Variants in PCDH7 observed in about 807,000 individuals in gnomAD.
PCDH7 encodes protocadherin-7.
A neutral mutation model predicts 58.9 loss-of-function variants in PCDH7; 17 were observed. The ratio of observed to expected loss-of-function variants is 0.29; its 90% CI spans 0.20 to 0.43. The LOEUF is 0.43. PCDH7 is among the 20% of genes least tolerant of loss of function. The pLI is 1.00. For missense variants in PCDH7, 1,274 were observed against 1,441.0 expected (o/e 0.88, Z 1.88); for synonymous variants, 664 against 616.4 (o/e 1.08, Z -1.14).
chr4:31,032,605 CAA>C (rs528974781), intron 3 of PCDH7, among the ~76,000 whole-genome samples: 4 of 86,872 alleles, frequency 4.6e-5, no homozygotes, highest in Non-Finnish European at 6.8e-5. Context: ...CAGATTCTGT[CAA>C]AAAAAAAAAA....
chr4:30,763,744 A>G (rs2109271191), intron 1 of PCDH7, among the ~76,000 whole-genome samples: 1 of 152,338 alleles, frequency 6.6e-6, no homozygotes, highest in Non-Finnish European at 1.5e-5. Context: ...AAAGAGAAAA[A>G]GGAAGATTAC....
At chr4:31,060,131 A>G (rs781296547) in intron 3 of PCDH7, among the ~76,000 whole-genome samples, 1 of 151,778 alleles carries the variant, frequency 6.6e-6, no homozygotes, top group Non-Finnish European at 1.5e-5. Context: ...CATAAAGTAT[A>G]AATCAGTGGC....
intron 2 of PCDH7, among the ~76,000 whole-genome samples, chr4:30,932,092 G>A (rs1744675614): frequency 6.6e-6 from 1 of 152,042 alleles, no homozygotes; most frequent in Non-Finnish European, 1.5e-5. Context: ...AAATTATTTT[G>A]TGATTTTAAG....
At chr4:31,091,134 A>T (rs1713196028) in intron 3 of PCDH7, among the ~76,000 whole-genome samples, 1 of 151,960 alleles carries the variant, frequency 6.6e-6, no homozygotes, top group Admixed American at 6.6e-5. Flanking sequence ...TGTCACCAAA[A>T]CCTAAAGGTA....
chr4:30,973,853 G>GA (rs946770213), intron 3 of PCDH7, among the ~76,000 whole-genome samples: 49 of 146,324 alleles, frequency 3.3e-4, no homozygotes, highest in South Asian at 2.4e-3. Flanking sequence ...TTTCAAAAAA[G>GA]AAAAAAAAAA....
intron 3 of PCDH7, among the ~76,000 whole-genome samples, chr4:31,067,668 G>A (rs1337324076): frequency 6.6e-6 from 1 of 151,928 alleles, no homozygotes; most frequent in Non-Finnish European, 1.5e-5. Context: ...GTAAAATAGT[G>A]TTTGCTAGGC....
At chr4:30,811,313 T>C (rs1213505870) in intron 1 of PCDH7, among the ~76,000 whole-genome samples, 1 of 152,186 alleles carries the variant, frequency 6.6e-6, no homozygotes, top group Non-Finnish European at 1.5e-5. Flanking sequence ...ATTCTCTAGA[T>C]ATATAAAAGT....
At chr4:31,110,002 A>T (rs1418767775) in intron 3 of PCDH7, among the ~76,000 whole-genome samples, 1 of 152,222 alleles carries the variant, frequency 6.6e-6, no homozygotes, top group Non-Finnish European at 1.5e-5. Flanking sequence ...TATTAATCAG[A>T]AATGGAAAGT....
intron 3 of PCDH7, among the ~76,000 whole-genome samples, chr4:31,072,050 T>C (rs1758587569): frequency 6.6e-6 from 1 of 152,040 alleles, no homozygotes; most frequent in Admixed American, 6.6e-5. Flanking sequence ...TGGAAGACAG[T>C]GTTGGAGTGA....
chr4:30,853,282 CT>C (rs1343149324), intron 1 of PCDH7, among the ~76,000 whole-genome samples: 4 of 152,136 alleles, frequency 2.6e-5, no homozygotes, highest in Admixed American at 2.0e-4. Context: ...TGCTACCAAT[CT>C]CCCAGTCTAT....
Position 30,723,362 on chromosome 4 carries a change from A to G in PCDH7, c.1940A>G (p.Tyr647Cys). The change falls in exon 1 of 2, where the codon TAT becomes TGT. Residue 647 changes from tyrosine (Y) to cysteine (C), a missense_variant. This residue lies in a region of PCDH7 where 731 missense variants were observed against 881.9 expected (regional missense o/e 0.83). Transcript: ENST00000361762. This position sits in a 1 kb window ranked among gnomAD's most constrained non-coding sequence, Gnocchi z 4.6. Reference sequence around the variant, plus strand: ...TTTATGCAGGACGTCTTCACCTTTTATGTGAAAGAAAACTTGCAGCCCAAC... The same window carrying G: ...TTTATGCAGGACGTCTTCACCTTTTGTGTGAAAGAAAACTTGCAGCCCAAC... 6.2e-7 allele frequency: 1 copy of G among 1,614,232 alleles called. No homozygotes were observed. The highest frequency in any genetic ancestry group is 8.5e-7 in the Non-Finnish European group (1 of 1,180,052).
At chr4:31,006,051 T>C (rs1339713536) in intron 3 of PCDH7, among the ~76,000 whole-genome samples, 1 of 152,138 alleles carries the variant, frequency 6.6e-6, no homozygotes, top group Non-Finnish European at 1.5e-5. Flanking sequence ...TGAAAAAATA[T>C]ATGTAAAGTA....
At chr4:30,973,997 G>A (rs994586967) in intron 3 of PCDH7, among the ~76,000 whole-genome samples, 11 of 151,870 alleles carry the variant, frequency 7.2e-5, no homozygotes, top group African/African-American at 2.7e-4. Flanking sequence ...TTGAGGGTGG[G>A]AAGTGTAAAT....
intron 3 of PCDH7, among the ~76,000 whole-genome samples, chr4:30,957,895 G>T (rs1268512594): frequency 6.6e-6 from 1 of 152,096 alleles, no homozygotes; most frequent in Non-Finnish European, 1.5e-5. Flanking sequence ...TAAGTTAGTG[G>T]ATAATTTCCA....
chr4:30,908,911 CAT>C (rs1272812965), intron 1 of PCDH7, among the ~76,000 whole-genome samples: 1 of 152,122 alleles, frequency 6.6e-6, no homozygotes, highest in Admixed American at 6.6e-5. Context: ...CCCTGATGAA[CAT>C]CCATGTGAAA....
At chr4:31,105,499 T>G (rs1715441512) in intron 3 of PCDH7, among the ~76,000 whole-genome samples, 1 of 152,224 alleles carries the variant, frequency 6.6e-6, no homozygotes, top group African/African-American at 2.4e-5. Context: ...TTATTAGGGC[T>G]CTATACCCTG....
chr4:30,757,759 A>G (rs1719503699), intron 1 of PCDH7, among the ~76,000 whole-genome samples: 1 of 152,176 alleles, frequency 6.6e-6, no homozygotes, highest in Non-Finnish European at 1.5e-5. Context: ...TCCCGCAATT[A>G]TGTGACCTTT....
chr4:30,798,049 T>A (rs1725024115), intron 1 of PCDH7, among the ~76,000 whole-genome samples: 1 of 152,192 alleles, frequency 6.6e-6, no homozygotes, highest in Non-Finnish European at 1.5e-5. Flanking sequence ...AAGATAAATG[T>A]GTTACCCATA....
chr4:31,101,853 G>C (rs184712038), intron 3 of PCDH7, among the ~76,000 whole-genome samples: 8 of 152,260 alleles, frequency 5.3e-5, no homozygotes, highest in Admixed American at 5.2e-4. Flanking sequence ...TGTTGCATCT[G>C]TACACTCTCG....
Sources: allele counts gnomAD v4.1 joint callset (sites outside exome capture counted in the v4.1 genomes callset), GRCh38; gene constraint gnomAD v4.1.1; regional missense constraint gnomAD v4.1.1; non-coding constraint Gnocchi (gnomAD v3.1); transcripts MANE v1.5; gene names NCBI Gene and HGNC (gene_info 2026-07-23, HGNC 2026-07-21).